The following PHF1 variants were observed in gnomAD, a reference collection of about 807,000 sequenced individuals.
PHF1 encodes polycomb-like 1.
A neutral mutation model predicts 69.4 loss-of-function variants in PHF1; 16 were observed. The observed-to-expected ratio is 0.23, with a 90% CI of 0.16 to 0.35. The LOEUF is 0.35. PHF1 is among the 10% of genes least tolerant of loss of function. The pLI is 1.00. For missense variants in PHF1, 515 were observed against 732.8 expected (o/e 0.70, Z 3.43); for synonymous variants, 274 against 275.0 (o/e 1.00, Z 0.04).
chr6:33,414,069 C>G lies in PHF1; in HGVS notation c.712C>G (p.Arg238Gly). Residue 238 changes from arginine (R) to glycine (G), a missense_variant, in exon 8 of 15, where the codon CGC (arginine) becomes GGC (glycine). Around this residue, in one of 5 missense-constraint regions of PHF1, gnomAD observed 142 missense variants for 309.7 expected, o/e 0.46. Coordinates refer to ENST00000374516, the MANE Select transcript of PHF1 (RefSeq NM_024165.3). The surrounding 1 kb of genome is among the most constrained non-coding windows in gnomAD (Gnocchi z 5.0). ...RFYEFECCVC[R>G]GGPEKVRRLQ... ...CTATGAATTTGAATGCTGTGTGTGT[C>G]GCGGGGGCCCTGAGAAAGTCCGGAG... 1 of 1,614,058 alleles carries G rather than the reference C, an allele frequency of 6.2e-7. No homozygotes were observed. The highest frequency in any genetic ancestry group is 8.5e-7 in the Non-Finnish European group (1 of 1,180,028).
chr6:33,416,196 G>C lies in PHF1; in HGVS notation c.*98G>C. 3 of 1,112,716 alleles carry C rather than the reference G, an allele frequency of 2.7e-6. No individual in the cohort carries two copies. Among genetic ancestry groups the C allele is most frequent in the Non-Finnish European group, 1.2e-6 (1 of 804,058 alleles). The allele number at this position is 1,112,716 out of a possible 1,614,324, so 68.9% of individuals were successfully genotyped here. A position where few individuals can be genotyped will look rare whatever the true frequency, so the allele number is the denominator to read the frequency against. On this transcript the variant is annotated 3_prime_UTR_variant, in exon 15 of 15. Coordinates refer to ENST00000374516, the MANE Select transcript of PHF1 (RefSeq NM_024165.3). ...CAGCTGGGATGTACCTGGAGAGATAGGGGGTAGTTCTCCCTACTGCCCAGG... is the reference window on the plus strand; with the variant it reads ...CAGCTGGGATGTACCTGGAGAGATACGGGGTAGTTCTCCCTACTGCCCAGG...
At position 33,414,974 on chromosome 6, in the gene PHF1, C is replaced by T. The variant is rs768704721; in HGVS notation, c.1069C>T (p.Pro357Ser). ...TTACAGCTTCCCTTCAGGGCAGGGC[C>T]CTGGGGGAGGGGTCTCACGTCCCCT... ...ALTSFPSGQG[P>S]GGGVSRPLGK... Residue 357 changes from proline to serine, a missense_variant, in exon 12 of 15, where the codon CCT becomes TCT. Physicochemically the swap from Pro to Ser is moderately conservative, Grantham distance 74. This residue lies in a region of PHF1 where 274 missense variants were observed against 304.5 expected (regional missense o/e 0.90). Coordinates refer to ENST00000374516, the MANE Select transcript of PHF1 (RefSeq NM_024165.3). The surrounding 1 kb of genome is among the most constrained non-coding windows in gnomAD (Gnocchi z 5.0). The T allele has an allele frequency of 4.5e-6, 7 of 1,544,122 alleles. No individual in the cohort carries two copies. Among genetic ancestry groups the T allele is most frequent in the Admixed American group, 2.0e-5 (1 of 50,006 alleles).
At position 33,415,010 on chromosome 6, in the gene PHF1, C is replaced by CT; in HGVS notation, c.1105_1106insT (p.Arg369LeufsTer56). ...GGTCTCACGTCCCCTGGGGAAGCGC[C>CT]GGAGGCCGGAGCCAGAGCCCCTGAG... On this transcript the variant is annotated frameshift_variant, in exon 12 of 15. Coordinates refer to ENST00000374516, the MANE Select transcript of PHF1 (RefSeq NM_024165.3). LOFTEE classifies it high-confidence loss of function. 1 of 1,566,116 alleles carries CT rather than the reference C, an allele frequency of 6.4e-7. No individual in the cohort carries two copies. The highest frequency in any genetic ancestry group is 8.7e-7 in the Non-Finnish European group (1 of 1,155,798).
chr6:33,412,553 T>G lies in PHF1; in HGVS notation c.205T>G (p.Ser69Ala). Residue 69 changes from serine to alanine, a missense_variant, in exon 3 of 15, where the codon TCG (serine) becomes GCG (alanine). This residue lies in a region of PHF1 where 22 missense variants were observed against 48.9 expected (regional missense o/e 0.45). Transcript: ENST00000374516. This position sits in a 1 kb window ranked among gnomAD's most constrained non-coding sequence, Gnocchi z 4.2. ...GTGTCTGGTCCAGTTTGAGGATGAT[T>G]CGCAGTTTCTGGTTCTATGGAAAGA... ...EVCLVQFEDD[S>A]QFLVLWKDIS... 1 of 1,614,252 alleles carries G rather than the reference T, an allele frequency of 6.2e-7. No homozygotes were observed. Among genetic ancestry groups the G allele is most frequent in the Non-Finnish European group, 8.5e-7 (1 of 1,180,042 alleles).
chr6:33,415,390 C>A, intron 13 of PHF1, 61 bp downstream of exon 13: 9 of 1,383,596 alleles, frequency 6.5e-6, no homozygotes, highest in Non-Finnish European at 9.2e-6. Flanking sequence ...ATCTTCTGGA[C>A]TTTATCACCC....
In PHF1 at chr6:33,414,901, G is replaced by A. The variant is rs865794153; in HGVS notation, c.1050-54G>A. On this transcript the variant is annotated intron_variant, in intron 11 of 14. Transcript: ENST00000374516. The surrounding 1 kb of genome is among the most constrained non-coding windows in gnomAD (Gnocchi z 5.0). Reference sequence around the variant, plus strand: ...TGGGGGGTATATGTATAGAGATGGGGAGGTCTTGGGGGTGTCCGGGAGGGG... The same window carrying A: ...TGGGGGGTATATGTATAGAGATGGGAAGGTCTTGGGGGTGTCCGGGAGGGG... 1 of 1,535,748 alleles carries A rather than the reference G, an allele frequency of 6.5e-7. No individual in the cohort carries two copies.
chr6:33,415,349 T>G lies in PHF1; in HGVS notation c.1334+20T>G, dbSNP rs768038392. The stretch of plus-strand genomic sequence containing the variant: ...GCCCAGGTCAGTGCTCCTCTGCCCC[T>G]CCCCCACAAAATATGCTCCCAATTA... On this transcript the variant is annotated intron_variant, in intron 13 of 14. Coordinates refer to ENST00000374516, the MANE Select transcript of PHF1 (RefSeq NM_024165.3). The G allele has an allele frequency of 4.5e-6, 7 of 1,570,716 alleles. No individual in the cohort carries two copies. Among genetic ancestry groups the G allele is most frequent in the Non-Finnish European group, 1.7e-6 (2 of 1,143,908 alleles).
Position 33,416,242 on chromosome 6 carries a change from G to A in PHF1, c.*144G>A. On this transcript the variant is annotated 3_prime_UTR_variant, in exon 15 of 15. Transcript: ENST00000374516. ...CCAGGCTGGAATCCAAGAGTGGGGAGTGGGGAAGAGGCCCTCTTCTCTACC... is the reference window on the plus strand; with the variant it reads ...CCAGGCTGGAATCCAAGAGTGGGGAATGGGGAAGAGGCCCTCTTCTCTACC... 1 of 608,856 alleles carries A rather than the reference G, an allele frequency of 1.6e-6. No homozygotes were observed. Among genetic ancestry groups the A allele is most frequent in the Non-Finnish European group, 2.6e-6 (1 of 379,382 alleles). The allele number at this position is 608,856 out of a possible 1,614,324, so 37.7% of individuals were successfully genotyped here.
At position 33,415,460 on chromosome 6, in the gene PHF1, A is replaced by ACT; in HGVS notation, c.1335-129_1335-128dup. On this transcript the variant is annotated intron_variant, in intron 13 of 14. Coordinates refer to ENST00000374516, the MANE Select transcript of PHF1 (RefSeq NM_024165.3). ...TTCTTGGCCTAGACCGACTTCTAGA[A>ACT]CTAGTGTCTGGTAGCCAGTATTCTG... The ACT allele has an allele frequency of 2.4e-6, 3 of 1,227,886 alleles. No homozygotes were observed. In the South Asian group the frequency reaches 3.9e-5, roughly 16 times the overall value. The allele number at this position is 1,227,886 out of a possible 1,614,324, so 76.1% of individuals were successfully genotyped here. A position where few individuals can be genotyped will look rare whatever the true frequency, so the allele number is the denominator to read the frequency against.
In PHF1 at chr6:33,415,997, T is replaced by G; in HGVS notation, c.1603T>G (p.Tyr535Asp). 1 of 1,614,004 alleles carries G rather than the reference T, an allele frequency of 6.2e-7. No homozygotes were observed. The highest frequency in any genetic ancestry group is 8.5e-7 in the Non-Finnish European group (1 of 1,179,894). Residue 535 changes from tyrosine to aspartate, a missense_variant, in exon 15 of 15, where the codon TAC becomes GAC. By Grantham distance (160) the Tyr-to-Asp change is radical. This residue lies in a region of PHF1 where 274 missense variants were observed against 304.5 expected (regional missense o/e 0.90). Coordinates refer to ENST00000374516, the MANE Select transcript of PHF1 (RefSeq NM_024165.3). ...TGGGVRGGVG[Y>D]LSRGDPVRVL... Reference sequence around the variant, plus strand: ...GGGAGGAGTCCGAGGTGGGGTTGGTTACCTGTCCCGAGGGGACCCTGTCCG... The same window carrying G: ...GGGAGGAGTCCGAGGTGGGGTTGGTGACCTGTCCCGAGGGGACCCTGTCCG...
In PHF1 at chr6:33,413,252, A is replaced by G; in HGVS notation, c.394A>G (p.Thr132Ala). ...TCCAGCCCCTGGAGAGGGAGAGGGCACATCCTGGGTATGCCGCCAGTGTGT... is the reference window on the plus strand; with the variant it reads ...TCCAGCCCCTGGAGAGGGAGAGGGCGCATCCTGGGTATGCCGCCAGTGTGT... ...RAPAPGEGEG[T>A]SWVCRQCVFA... The change falls in exon 5 of 15, where the codon ACA (threonine) becomes GCA (alanine). Residue 132 changes from threonine (T) to alanine (A), a missense_variant. By Grantham distance (58) the Thr-to-Ala change is moderately conservative. Around this residue, in one of 5 missense-constraint regions of PHF1, gnomAD observed 142 missense variants for 309.7 expected, o/e 0.46. Coordinates refer to ENST00000374516, the MANE Select transcript of PHF1 (RefSeq NM_024165.3). 1.2e-6 allele frequency: 2 copies of G among 1,614,154 alleles called. No individual in the cohort carries two copies. Among genetic ancestry groups the G allele is most frequent in the Non-Finnish European group, 1.7e-6 (2 of 1,180,008 alleles).
chr6:33,415,376 T>G, intron 13 of PHF1, 47 bp downstream of exon 13: 1 of 1,453,066 alleles, frequency 6.9e-7, no homozygotes, highest in Non-Finnish European at 9.6e-7. Context: ...TCCCAATTAT[T>G]CACATCTTCT....
At position 33,412,907 on chromosome 6, in the gene PHF1, C is replaced by T; in HGVS notation, c.337+114C>T. 1 of 904,300 alleles carries T rather than the reference C, an allele frequency of 1.1e-6. No homozygotes were observed. Among genetic ancestry groups the T allele is most frequent in the Non-Finnish European group, 1.8e-6 (1 of 558,572 alleles). 56.0% of individuals were successfully genotyped at this position (904,300 alleles called of 1,614,324 possible). On this transcript the variant is annotated intron_variant, in intron 4 of 14. Coordinates refer to ENST00000374516, the MANE Select transcript of PHF1 (RefSeq NM_024165.3). This position sits in a 1 kb window ranked among gnomAD's most constrained non-coding sequence, Gnocchi z 4.2. ...CACTGCTCTGGCCAGGCTGCTTAGC[C>T]TTATCTTAGTCCTCATCCGCTTTCA...
At position 33,412,249 on chromosome 6, in the gene PHF1, C is replaced by G. The variant is rs1776122640; in HGVS notation, c.-15C>G. 3 of 1,594,872 alleles carry G rather than the reference C, an allele frequency of 1.9e-6. No individual in the cohort carries two copies. The highest frequency in any genetic ancestry group is 1.7e-5 in the Admixed American group (1 of 59,612). On this transcript the variant is annotated splice_region_variant and 5_prime_UTR_variant, in exon 2 of 15. Coordinates refer to ENST00000374516, the MANE Select transcript of PHF1 (RefSeq NM_024165.3). This position sits in a 1 kb window ranked among gnomAD's most constrained non-coding sequence, Gnocchi z 4.2. ...CCTCCCCATTTCTTTTCTGGCTAGG[C>G]CCCCCCAGGATGCAATGGCGCAGCC...
In PHF1 at chr6:33,415,861, C is replaced by G. The variant is rs374329100; in HGVS notation, c.1467C>G (p.Ala489=). The part of the protein sequence containing the change: ...IGFPTDIPKS[A]PHSMTASSSS... ...TCCCCACAGACATCCCTAAAAGTGC[C>G]CCCCACTCGATGACTGCCTCATCTT... Residue 489 remains alanine (A), a synonymous_variant, in exon 15 of 15, where the codon GCC becomes GCG. Coordinates refer to ENST00000374516, the MANE Select transcript of PHF1 (RefSeq NM_024165.3). 13 of 1,608,660 alleles carry G rather than the reference C, an allele frequency of 8.1e-6. No homozygotes were observed. The African/African-American group carries it at 1.7e-4, about 22-fold the overall frequency.
In PHF1 at chr6:33,414,972, G is replaced by C; in HGVS notation, c.1067G>C (p.Gly356Ala). ...TCTTACAGCTTCCCTTCAGGGCAGG[G>C]CCCTGGGGGAGGGGTCTCACGTCCC... ...GALTSFPSGQ[G>A]PGGGVSRPLG... Residue 356 changes from glycine to alanine, a missense_variant, in exon 12 of 15, where the codon GGC becomes GCC. Coordinates refer to ENST00000374516, the MANE Select transcript of PHF1 (RefSeq NM_024165.3). The surrounding 1 kb of genome is among the most constrained non-coding windows in gnomAD (Gnocchi z 5.0). The C allele has an allele frequency of 6.5e-7, 1 of 1,543,234 alleles. No individual in the cohort carries two copies. Among genetic ancestry groups the C allele is most frequent in the Non-Finnish European group, 8.7e-7 (1 of 1,143,796 alleles).
rs769924134 is a variant in PHF1 at position 33,413,183 on chromosome 6, A to G, written c.338-13A>G. ...ACAGGTATGCAATAAGTGGTCTACT[A>G]TTATCACTGCAGCTTATCACCAGGA... On this transcript the variant is annotated splice_polypyrimidine_tract_variant and intron_variant, in intron 4 of 14. Coordinates refer to ENST00000374516, the MANE Select transcript of PHF1 (RefSeq NM_024165.3). The G allele has an allele frequency of 3.7e-6, 6 of 1,608,442 alleles. No homozygotes were observed. The highest frequency in any genetic ancestry group is 2.7e-5 in the African/African-American group (2 of 74,806).
intron 13 of PHF1, 126 bp from the exon 14 acceptor site, chr6:33,415,464 G>T: frequency 8.1e-7 from 1 of 1,232,604 alleles, no homozygotes; most frequent in Non-Finnish European, 1.2e-6. Context: ...TCTAGAACTA[G>T]TGTCTGGTAG....
rs1295601129 is a variant in PHF1, at chr6:33,412,405, T to C, written c.142T>C (p.Leu48=). Residue 48 remains leucine (L), a synonymous_variant, in exon 2 of 15, where the codon TTG becomes CTG. Coordinates refer to ENST00000374516, the MANE Select transcript of PHF1 (RefSeq NM_024165.3). This position sits in a 1 kb window ranked among gnomAD's most constrained non-coding sequence, Gnocchi z 4.2. ...CAGATGGACTGATGGGCTGCTATAC[T>C]TGGGTACCATCAAAAAGGTAAGACC... ...LARWTDGLLY[L]GTIKKVDSAR... is the part of the protein sequence containing the mutation. The C allele has an allele frequency of 1.2e-6, 2 of 1,614,234 alleles. No homozygotes were observed. The highest frequency in any genetic ancestry group is 2.2e-5 in the East Asian group (1 of 44,890).
Sources: allele counts gnomAD v4.1 joint callset, GRCh38; gene constraint gnomAD v4.1.1; regional missense constraint gnomAD v4.1.1; non-coding constraint Gnocchi (gnomAD v3.1); transcripts MANE v1.5; gene names NCBI Gene and HGNC (gene_info 2026-07-23, HGNC 2026-07-21).